SBNO2: variants seen among roughly 807,000 people sequenced by gnomAD.
SBNO2 encodes the protein strawberry notch homolog 2.
Under a neutral mutation model 146.3 loss-of-function variants are expected in SBNO2, and 89 were observed. The observed-to-expected ratio is 0.61, with a 90% CI of 0.51 to 0.73. The LOEUF (loss-of-function observed/expected upper bound fraction) is 0.73, where lower values mean the gene tolerates loss of function less well. Among genes scored for constraint, SBNO2 ranks in the 30% least tolerant of loss-of-function variants. The pLI is 0.00. For synonymous variants in SBNO2, 1,147 were observed against 892.6 expected, an observed-to-expected ratio of 1.29 and a Z score of -5.08; for missense variants, 2,092 against 2,003.7, an observed-to-expected ratio of 1.04 and a Z score of -0.84.
Position 1,123,026 on chromosome 19 carries a change from GTGC to G in SBNO2, c.645_647del (p.Gln215del). 2 of 1,591,802 alleles carry G rather than the reference GTGC, an allele frequency of 1.3e-6. No individual in the cohort carries two copies. Among genetic ancestry groups the G allele is most frequent in the Non-Finnish European group, 1.7e-6 (2 of 1,169,688 alleles). On this transcript the variant is annotated inframe_deletion, in exon 8 of 32. Coordinates refer to ENST00000361757, the MANE Select transcript of SBNO2 (RefSeq NM_014963.3). The stretch of plus-strand genomic sequence containing the variant: ...TGCTGGTCTCCACCACGCGGTCTGG[GTGC>G]TGCTTCCCGATCTTGGCTGGAGGAG...
At chr19:1,130,574 T>G (rs2080017367) in intron 4 of SBNO2, among the ~76,000 whole-genome samples, 1 of 151,966 alleles carries the variant, frequency 6.6e-6, no homozygotes, top group Non-Finnish European at 1.5e-5. Context: ...AAAGAATCAC[T>G]TGAGCCCAGG....
In SBNO2 at chr19:1,122,091, C is replaced by T. The variant is rs374766317; in HGVS notation, c.1149+48G>A. On this transcript the variant is annotated intron_variant, in intron 11 of 31. Coordinates refer to ENST00000361757, the MANE Select transcript of SBNO2 (RefSeq NM_014963.3). ...CACTCCTCCATCCTCCTTTTCCCTC[C>T]GACCCCCTAATCCAGCCCTCCCCTC... The T allele has an allele frequency of 8.9e-5, 119 of 1,342,090 alleles. No individual in the cohort carries two copies. The African/African-American group carries it at 1.1e-3, about 12-fold the overall frequency. The allele number at this position is 1,342,090 out of a possible 1,614,324, so 83.1% of individuals were successfully genotyped here.
In SBNO2 at chr19:1,111,486, C is replaced by T. The variant is rs757053531; in HGVS notation, c.2809+20G>A. On this transcript the variant is annotated intron_variant, in intron 24 of 31. Transcript: ENST00000361757. ...GCAACCCCTGCCCCTCCCAGGAAGA[C>T]CCCCACCAGCCCAGCTTACCCCGGA... 1.6e-5 allele frequency: 24 copies of T among 1,517,182 alleles called. No homozygotes were observed. The highest frequency in any genetic ancestry group is 2.4e-5 in the East Asian group (1 of 41,350). 94.0% of individuals were successfully genotyped at this position (1,517,182 alleles called of 1,614,324 possible). A position where few individuals can be genotyped will look rare whatever the true frequency, so the allele number is the denominator to read the frequency against.
intron 4 of SBNO2, among the ~76,000 whole-genome samples, chr19:1,139,606 C>T (rs1392895823): frequency 2.0e-5 from 3 of 152,076 alleles, no homozygotes; most frequent in African/African-American, 7.2e-5. Flanking sequence ...ACCACCCTGG[C>T]CAACGTGGTG....
chr19:1,118,741 G>A (rs970025502), intron 14 of SBNO2, among the ~76,000 whole-genome samples: 7 of 152,054 alleles, frequency 4.6e-5, no homozygotes, highest in African/African-American at 1.2e-4. Flanking sequence ...GTGTGGAGGC[G>A]GGCACCTGTA....
Position 1,108,978 on chromosome 19 carries a change from G to C in SBNO2, c.3426-9C>G, listed in dbSNP as rs890089745. 5 of 1,512,304 alleles carry C rather than the reference G, an allele frequency of 3.3e-6. No individual in the cohort carries two copies. Among genetic ancestry groups the C allele is most frequent in the Non-Finnish European group, 4.4e-6 (5 of 1,134,674 alleles). 93.7% of individuals were successfully genotyped at this position (1,512,304 alleles called of 1,614,324 possible). On this transcript the variant is annotated splice_polypyrimidine_tract_variant and intron_variant, in intron 30 of 31. Coordinates refer to ENST00000361757, the MANE Select transcript of SBNO2 (RefSeq NM_014963.3). ...GCCGGCAGTGCCGGTTCCTGCGGAC[G>C]AGACGGGTCGTCTCGGCTCAGGCGG...
intron 1 of SBNO2, among the ~76,000 whole-genome samples, chr19:1,165,678 A>AAC (rs2080408082): frequency 1.6e-5 from 1 of 61,866 alleles, no homozygotes; most frequent in African/African-American, 6.6e-5. Flanking sequence ...AGACCCCAGT[A>AAC]CCCAGACCCC....
At position 1,158,323 on chromosome 19, in the gene SBNO2, A is replaced by C. The variant is rs1011887858; in HGVS notation, c.-126-3921T>G. Among the ~76,000 whole-genome samples the C allele has an allele frequency of 5.9e-5, 9 of 152,026 alleles. No individual in the cohort carries two copies. The highest frequency in any genetic ancestry group is 1.5e-5 in the Non-Finnish European group (1 of 67,994). ...CGGTTCTCCTGCCGTCCTCTCGCCG[A>C]GCAGGGTTGTGACCCCCGCACTTTC... On this transcript the variant is annotated intron_variant, in intron 1 of 31. Transcript: ENST00000361757. This position sits in a 1 kb window ranked among gnomAD's most constrained non-coding sequence, Gnocchi z 9.9.
At chr19:1,169,820 G>A (rs2145361876) in intron 1 of SBNO2, among the ~76,000 whole-genome samples, 1 of 152,326 alleles carries the variant, frequency 6.6e-6, no homozygotes. Context: ...CCTGTCCGGA[G>A]CATATGACTC....
In SBNO2 at chr19:1,135,045, CAAAAAAAAAA is replaced by C. The variant is rs201799961; in HGVS notation, c.280-7290_280-7281del. On this transcript the variant is annotated intron_variant, in intron 4 of 31. Transcript: ENST00000361757. ...TGGGCAACAGAGCAAGACTCTGTCT[CAAAAAAAAAA>C]AAAAAAAAAAAAAAGGTGGATTTGG... 1.4e-3 allele frequency among the ~76,000 whole-genome samples: 70 copies of C among 51,288 alleles called. No individual in the cohort carries two copies. The South Asian group carries it at 0.03, about 22-fold the overall frequency. The allele number at this position is 51,288 out of a possible 152,430, so 33.6% of individuals were successfully genotyped here. A position where few individuals can be genotyped will look rare whatever the true frequency, so the allele number is the denominator to read the frequency against.
In SBNO2 at chr19:1,154,224, G is replaced by C; in HGVS notation, c.53C>G (p.Pro18Arg). ...GCTGTACAGGAGGCTGCCCGCCGGC[G>C]GGGGTTCATGCTGCGGGTAATCCCT... ...MDRDYPQHEP[P>R]PAGSLLYSPP... The change falls in exon 2 of 32, where the codon CCG becomes CGG. Residue 18 changes from proline (P) to arginine (R), a missense_variant. Coordinates refer to ENST00000361757, the MANE Select transcript of SBNO2 (RefSeq NM_014963.3). The C allele has an allele frequency of 7.9e-7, 1 of 1,263,192 alleles. No homozygotes were observed. Among genetic ancestry groups the C allele is most frequent in the Non-Finnish European group, 1.0e-6 (1 of 1,003,822 alleles). The allele number at this position is 1,263,192 out of a possible 1,614,324, so 78.2% of individuals were successfully genotyped here.
chr19:1,118,273 G>A (rs908007424), intron 14 of SBNO2, among the ~76,000 whole-genome samples: 20 of 152,092 alleles, frequency 1.3e-4, no homozygotes, highest in Admixed American at 1.1e-3. Flanking sequence ...GGTAGGCGGA[G>A]GTTGCGGTGA....
Position 1,123,533 on chromosome 19 carries a change from C to T in SBNO2, c.628+1G>A, listed in dbSNP as rs762009594. ...GGGCTGGGTGCAGCCGGGCCACTCA[C>T]ACTTGGACGGCACGTAGTCGGCGTA... On this transcript the variant is annotated splice_donor_variant, in intron 7 of 31. Transcript: ENST00000361757. LOFTEE classifies it high-confidence loss of function. 1 of 1,613,072 alleles carries T rather than the reference C, an allele frequency of 6.2e-7. No homozygotes were observed.
intron 1 of SBNO2, among the ~76,000 whole-genome samples, chr19:1,166,015 G>A (rs1427780130): frequency 1.5e-5 from 2 of 134,846 alleles, no homozygotes; most frequent in Non-Finnish European, 1.5e-5. Context: ...CTAGATCCCA[G>A]ACCTCAGACC....
chr19:1,122,663 T>C lies in SBNO2; in HGVS notation c.909A>G (p.Ala303=), dbSNP rs1369271971. Reference sequence around the variant, plus strand: ...TGCCCCAGGCAGGGCCTCACCACAATGCTTTCTTCCGGCCGCGCAGGTGGT... The same window carrying C: ...TGCCCCAGGCAGGGCCTCACCACAACGCTTTCTTCCGGCCGCGCAGGTGGT... ...LENHLRGRKK[A]LWFSVSNDLK... is the part of the protein sequence containing the mutation. The change falls in exon 9 of 32, where the codon GCA becomes GCG. Residue 303 remains alanine, a synonymous_variant. Coordinates refer to ENST00000361757, the MANE Select transcript of SBNO2 (RefSeq NM_014963.3). 1 of 1,303,810 alleles carries C rather than the reference T, an allele frequency of 7.7e-7. No individual in the cohort carries two copies. 80.8% of individuals were successfully genotyped at this position (1,303,810 alleles called of 1,614,324 possible).
chr19:1,158,545 G>A lies in SBNO2; in HGVS notation c.-126-4143C>T, dbSNP rs966301888. Among the ~76,000 whole-genome samples the A allele has an allele frequency of 2.6e-5, 4 of 152,192 alleles. No individual in the cohort carries two copies. The highest frequency in any genetic ancestry group is 9.7e-5 in the African/African-American group (4 of 41,442). ...ACCCCAGAGCGCTCCGCCCAGGCCC[G>A]GGTTCTGGTCTCCTGGCACACCCGG... On this transcript the variant is annotated intron_variant, in intron 1 of 31. Transcript: ENST00000361757. The surrounding 1 kb of genome is among the most constrained non-coding windows in gnomAD (Gnocchi z 9.9).
rs1223215640 is a variant in SBNO2 at position 1,147,440 on chromosome 19, G to GGC, written c.168-21_168-20insGC. On this transcript the variant is annotated intron_variant, in intron 3 of 31. Coordinates refer to ENST00000361757, the MANE Select transcript of SBNO2 (RefSeq NM_014963.3). ...AACGGGCTGGAGGGAGATGGGGGGG[G>GGC]GGGAGGTGAGATGGGGTGCTCAACC... is the stretch of plus-strand genomic sequence containing the variant. The GGC allele has an allele frequency of 8.1e-7, 1 of 1,241,274 alleles. No individual in the cohort carries two copies. Among genetic ancestry groups the GGC allele is most frequent in the African/African-American group, 1.6e-5 (1 of 63,022 alleles). 76.9% of individuals were successfully genotyped at this position (1,241,274 alleles called of 1,614,324 possible).
chr19:1,112,748 CG>C lies in SBNO2; in HGVS notation c.2379+69del, dbSNP rs34743542. 16 of 1,493,588 alleles carry C rather than the reference CG, an allele frequency of 1.1e-5. No homozygotes were observed. In the South Asian group the frequency reaches 1.6e-4, roughly 15 times the overall value. 92.5% of individuals were successfully genotyped at this position (1,493,588 alleles called of 1,614,324 possible). A position where few individuals can be genotyped will look rare whatever the true frequency, so the allele number is the denominator to read the frequency against. Reference sequence around the variant, plus strand: ...CAGAAGTGCGCGGGTCCACAGTCCCCGGGGACCCTTGGGCCCCTCTGTGCCT... The same window carrying C: ...CAGAAGTGCGCGGGTCCACAGTCCCCGGGACCCTTGGGCCCCTCTGTGCCT... On this transcript the variant is annotated intron_variant, in intron 20 of 31. Coordinates refer to ENST00000361757, the MANE Select transcript of SBNO2 (RefSeq NM_014963.3). The surrounding 1 kb of genome is among the most constrained non-coding windows in gnomAD (Gnocchi z 5.9).
Position 1,110,794 on chromosome 19 carries a change from G to T in SBNO2, c.2979C>A (p.His993Gln), listed in dbSNP as rs1411245086. ...LFQYFSDTFD[H>Q]LIEMDKREGK... The stretch of plus-strand genomic sequence containing the variant: ...CCTCCCGCTTGTCCATCTCGATGAG[G>T]TGGTCGAAGGTGTCTGAGAAGTACT... Residue 993 changes from histidine to glutamine, a missense_variant, in exon 26 of 32, where the codon CAC becomes CAA. Transcript: ENST00000361757. This position sits in a 1 kb window ranked among gnomAD's most constrained non-coding sequence, Gnocchi z 4.9. 6.2e-7 allele frequency: 1 copy of T among 1,613,680 alleles called. No homozygotes were observed. Among genetic ancestry groups the T allele is most frequent in the Non-Finnish European group, 8.5e-7 (1 of 1,179,748 alleles).
Sources: allele counts gnomAD v4.1 joint callset (sites outside exome capture counted in the v4.1 genomes callset), GRCh38; gene constraint gnomAD v4.1.1; non-coding constraint Gnocchi (gnomAD v3.1); transcripts MANE v1.5; gene names NCBI Gene and HGNC (gene_info 2026-07-23, HGNC 2026-07-21).